ZNF804B: variants seen among roughly 807,000 people sequenced by gnomAD.
ZNF804B encodes zinc finger 804B.
In ZNF804B, 80 loss-of-function variants were observed where a neutral mutation model predicts 101.4. The ratio of observed to expected loss-of-function variants is 0.79; its 90% CI spans 0.66 to 0.95. The LOEUF (loss-of-function observed/expected upper bound fraction) is 0.95, where lower values mean the gene tolerates loss of function less well. Ranked by LOEUF, ZNF804B falls within the 40% of genes least tolerant of loss-of-function variation. The pLI is 0.00. For missense variants in ZNF804B, 1,673 were observed against 1,561.9 expected (o/e 1.07, Z -1.20); for synonymous variants, 622 against 558.8 (o/e 1.11, Z -1.59).
At chr7:88,904,135 A>G (rs868199946) in intron 1 of ZNF804B, among the ~76,000 whole-genome samples, 2 of 152,136 alleles carry the variant, frequency 1.3e-5, no homozygotes, top group African/African-American at 4.8e-5. Context: ...TGTATGTGGT[A>G]AAAGATAGGG....
At chr7:89,276,639 AT>A (rs1359838762) in intron 2 of ZNF804B, among the ~76,000 whole-genome samples, 21 of 151,972 alleles carry the variant, frequency 1.4e-4, no homozygotes, top group African/African-American at 5.1e-4. Context: ...AAATAAAATC[AT>A]AAAAAATTCA....
intron 1 of ZNF804B, among the ~76,000 whole-genome samples, chr7:88,875,777 A>G (rs1791927479): frequency 1.3e-5 from 2 of 152,336 alleles, no homozygotes; most frequent in African/African-American, 4.8e-5. Context: ...TCCAATCAAT[A>G]GAAAAAGAGG....
At chr7:89,033,824 G>A (rs1437204241) in intron 1 of ZNF804B, among the ~76,000 whole-genome samples, 3 of 151,794 alleles carry the variant, frequency 2.0e-5, no homozygotes, top group Non-Finnish European at 2.9e-5. Context: ...TAATAAATAG[G>A]TGAAAGGTCT....
At chr7:89,143,509 C>T (rs1453395521) in intron 1 of ZNF804B, among the ~76,000 whole-genome samples, 2 of 151,924 alleles carry the variant, frequency 1.3e-5, no homozygotes, top group Non-Finnish European at 2.9e-5. Context: ...GATGATCTGC[C>T]ACTTTGGGAT....
At chr7:89,255,570 A>G (rs748950478) in intron 2 of ZNF804B, among the ~76,000 whole-genome samples, 4 of 152,228 alleles carry the variant, frequency 2.6e-5, no homozygotes, top group African/African-American at 4.8e-5. Flanking sequence ...TTTGAACAAT[A>G]AAATAAAATT....
chr7:88,880,936 T>C (rs540597306), intron 1 of ZNF804B, among the ~76,000 whole-genome samples: 1 of 152,044 alleles, frequency 6.6e-6, no homozygotes, highest in Admixed American at 6.6e-5. Context: ...TTTAGTGAGG[T>C]AGATAATAGA....
chr7:89,169,313 A>C (rs180678379), intron 1 of ZNF804B, among the ~76,000 whole-genome samples: 19 of 152,238 alleles, frequency 1.2e-4, no homozygotes, highest in Admixed American at 6.5e-4. Flanking sequence ...GGGGGTTGCC[A>C]CTCGCGGCTC....
At chr7:88,854,429 T>TTCTTTCTTTC (rs1791505802) in intron 1 of ZNF804B, among the ~76,000 whole-genome samples, 1 of 120,050 alleles carries the variant, frequency 8.3e-6, no homozygotes, top group Non-Finnish European at 1.7e-5. Flanking sequence ...CTTTCTTTCT[T>TTCTTTCTTTC]TCTTTCTTTC....
chr7:89,279,375 T>C (rs570318140), intron 2 of ZNF804B, among the ~76,000 whole-genome samples: 14,959 of 145,794 alleles, frequency 0.1, 856 homozygotes, highest in Middle Eastern at 0.23. Flanking sequence ...CTGGCCAGAA[T>C]TTCCAACACT....
intron 1 of ZNF804B, among the ~76,000 whole-genome samples, chr7:88,964,137 A>G (rs1418032482): frequency 1.3e-5 from 2 of 151,528 alleles, no homozygotes; most frequent in African/African-American, 2.4e-5. Flanking sequence ...TCCTCAGAAA[A>G]CATAGAATTG....
At chr7:88,923,402 T>A (rs1278531414) in intron 1 of ZNF804B, among the ~76,000 whole-genome samples, 2 of 152,174 alleles carry the variant, frequency 1.3e-5, no homozygotes, top group African/African-American at 4.8e-5. Context: ...TCTTCTAATT[T>A]TTTTGTTCTC....
At chr7:88,808,803 A>C (rs1402555296) in intron 1 of ZNF804B, among the ~76,000 whole-genome samples, 3 of 152,188 alleles carry the variant, frequency 2.0e-5, no homozygotes, top group African/African-American at 7.2e-5. Context: ...AAAATTAGGT[A>C]AGGCTATGTG....
At chr7:89,203,411 A>AT (rs1788673952) in intron 1 of ZNF804B, among the ~76,000 whole-genome samples, 1 of 152,214 alleles carries the variant, frequency 6.6e-6, no homozygotes, top group Non-Finnish European at 1.5e-5. Context: ...ATAGACAAGC[A>AT]TAAGTAGTTT....
At chr7:89,061,218 C>G (rs1464580235) in intron 1 of ZNF804B, among the ~76,000 whole-genome samples, 1 of 152,066 alleles carries the variant, frequency 6.6e-6, no homozygotes. Context: ...GTTGTGTTTG[C>G]ATATTATTCT....
At chr7:89,091,625 A>C (rs980352615) in intron 1 of ZNF804B, among the ~76,000 whole-genome samples, 1 of 152,186 alleles carries the variant, frequency 6.6e-6, no homozygotes, top group Non-Finnish European at 1.5e-5. Context: ...TAAATTTTTC[A>C]AGGATAGACA....
At chr7:88,796,046 G>C (rs1266197637) in intron 1 of ZNF804B, among the ~76,000 whole-genome samples, 1 of 151,982 alleles carries the variant, frequency 6.6e-6, no homozygotes, top group Non-Finnish European at 1.5e-5. Context: ...ACACATATCT[G>C]AATCTATCTA....
At chr7:89,285,210 C>A (rs935701985) in intron 2 of ZNF804B, among the ~76,000 whole-genome samples, 1 of 151,420 alleles carries the variant, frequency 6.6e-6, no homozygotes, top group Non-Finnish European at 1.5e-5. Flanking sequence ...CAGAGCAAGA[C>A]CCTGTCACAA....
At chr7:88,986,595 G>A (rs1314746380) in intron 1 of ZNF804B, among the ~76,000 whole-genome samples, 1 of 152,110 alleles carries the variant, frequency 6.6e-6, no homozygotes, top group Non-Finnish European at 1.5e-5. Flanking sequence ...TTCTCTTGTA[G>A]TGGGCTTTGT....
At position 89,314,398 on chromosome 7, in the gene ZNF804B, G is replaced by A. The variant is rs117433125; in HGVS notation, c.250-12946G>A. 3.7e-3 allele frequency among the ~76,000 whole-genome samples: 568 copies of A among 152,052 alleles called. 1 individual carries two copies. The highest frequency in any genetic ancestry group is 5.6e-3 in the Non-Finnish European group (384 of 67,990). On this transcript the variant is annotated intron_variant, in intron 2 of 3. Coordinates refer to ENST00000333190, the MANE Select transcript of ZNF804B (RefSeq NM_181646.5). ...AAAAACTACACCTACCAGTCATACT[G>A]TCCAGATGAAAGCCACTCAGTCTGC...
Sources: gnomAD v4.1 joint callset for allele counts (sites outside exome capture counted in the v4.1 genomes callset) on GRCh38, gnomAD v4.1.1 for gene constraint, MANE v1.5 for transcripts, NCBI Gene and HGNC (gene_info 2026-07-23, HGNC 2026-07-21) for gene names.